The following CDKN2B-AS1 variants were observed in gnomAD, a reference collection of about 807,000 sequenced individuals.
CDKN2B-AS1 encodes the protein CDKN2B antisense RNA 1 (non-protein coding).
At chr9:22,079,000 T>A (rs1335909819) in intron 4 of CDKN2B-AS1, among the ~76,000 whole-genome samples, 1 of 152,234 alleles carries the variant, frequency 6.6e-6, no homozygotes. Flanking sequence ...TATGGAAGCC[T>A]TATCAGAGAG....
intron 4 of CDKN2B-AS1, chr9:22,119,758 G>C (rs1313838751): frequency 6.6e-6 from 1 of 152,220 alleles, no homozygotes; most frequent in Non-Finnish European, 1.5e-5. Flanking sequence ...AGGGTTGAAA[G>C]CTGTCGCCAT....
At chr9:22,018,876 C>T (rs992022450) in intron 1 of CDKN2B-AS1, among the ~76,000 whole-genome samples, 1 of 152,122 alleles carries the variant, frequency 6.6e-6, no homozygotes, top group Admixed American at 6.5e-5. Context: ...AGGTGATAAA[C>T]AATTCAGAGA....
At chr9:22,091,866 A>C (rs577498714) in intron 4 of CDKN2B-AS1, among the ~76,000 whole-genome samples, 1 of 152,208 alleles carries the variant, frequency 6.6e-6, no homozygotes, top group Admixed American at 6.5e-5. Flanking sequence ...TATGTTGAAT[A>C]GGAGTGGTGA....
At chr9:22,067,091 C>T (rs1824074785) in intron 4 of CDKN2B-AS1, among the ~76,000 whole-genome samples, 1 of 152,078 alleles carries the variant, frequency 6.6e-6, no homozygotes, top group South Asian at 2.1e-4. Context: ...GGAGGGATAG[C>T]ATTAGGAGAA....
In CDKN2B-AS1 at chr9:22,005,451, T is replaced by C. The variant is rs1821127033; in HGVS notation, n.29+10290T>C. ...AACTAAAGCGCCGCCGGGGACTTAC[T>C]GAAGCCCACCTCGGCCCTCCTCCAC... On this transcript the variant is annotated intron_variant and non_coding_transcript_variant, in intron 1 of 4. Transcript: ENST00000650946. The surrounding 1 kb of genome is among the most constrained non-coding windows in gnomAD (Gnocchi z 4.9). 8.0e-6 allele frequency: 2 copies of C among 251,498 alleles called. No homozygotes were observed. Among genetic ancestry groups the C allele is most frequent in the East Asian group, 5.7e-5 (1 of 17,532 alleles). The allele number at this position is 251,498 out of a possible 1,614,324, so 15.6% of individuals were successfully genotyped here.
At chr9:22,089,573 GGCACAT>G (rs1048511262) in intron 4 of CDKN2B-AS1, among the ~76,000 whole-genome samples, 1 of 151,990 alleles carries the variant, frequency 6.6e-6, no homozygotes, top group Non-Finnish European at 1.5e-5. Flanking sequence ...TGGGACTATA[GGCACAT>G]GCCACCATGC....
At chr9:22,078,100 ATGTGTTTTGTT>A (rs1416813811) in intron 4 of CDKN2B-AS1, among the ~76,000 whole-genome samples, 1 of 152,070 alleles carries the variant, frequency 6.6e-6, no homozygotes, top group African/African-American at 2.4e-5. Context: ...TTTCTATTGA[ATGTGTTTTGTT>A]TGTGTCTATA....
intron 4 of CDKN2B-AS1, among the ~76,000 whole-genome samples, chr9:22,073,322 A>T (rs112602185): frequency 1.4e-4 from 22 of 152,198 alleles, no homozygotes; most frequent in Non-Finnish European, 2.8e-4. Flanking sequence ...CAAAAAGATT[A>T]TCTGAGCATG....
chr9:22,025,666 G>A (rs1333965903), intron 1 of CDKN2B-AS1, among the ~76,000 whole-genome samples: 11 of 152,268 alleles, frequency 7.2e-5, no homozygotes, highest in East Asian at 1.9e-4. Context: ...TGAAAGCTGC[G>A]AAACAGCAAA....
In CDKN2B-AS1 at chr9:22,039,314, CT is replaced by C. The variant is rs1822812052; in HGVS notation, n.30-7436del. ...CATGTTCTCTCCCTGCAAGGACCACCTCAAATCCCTCAGTAGTCCTGTCTTT... is the reference window on the plus strand; with the variant it reads ...CATGTTCTCTCCCTGCAAGGACCACCCAAATCCCTCAGTAGTCCTGTCTTT... On this transcript the variant is annotated intron_variant and non_coding_transcript_variant, in intron 1 of 4. Transcript: ENST00000650946. The surrounding 1 kb of genome is among the most constrained non-coding windows in gnomAD (Gnocchi z 4.4). 6.6e-6 allele frequency among the ~76,000 whole-genome samples: 1 copy of C among 151,962 alleles called. No homozygotes were observed. Among genetic ancestry groups the C allele is most frequent in the African/African-American group, 2.4e-5 (1 of 41,390 alleles).
rs940517892 is a variant in CDKN2B-AS1, at chr9:22,000,435, C to A, written n.29+5274C>A. The stretch of plus-strand genomic sequence containing the variant: ...GTCTTACTGTGATAAGTCTAACTAT[C>A]AAAGGCAGTCCAGAGATTAGCAAAT... On this transcript the variant is annotated intron_variant and non_coding_transcript_variant, in intron 1 of 4. Transcript: ENST00000650946. The surrounding 1 kb of genome is among the most constrained non-coding windows in gnomAD (Gnocchi z 4.1). Among the ~76,000 whole-genome samples the A allele has an allele frequency of 2.6e-5, 4 of 152,142 alleles. No homozygotes were observed. The highest frequency in any genetic ancestry group is 5.9e-5 in the Non-Finnish European group (4 of 68,004).
chr9:22,090,058 A>G (rs578025642), intron 4 of CDKN2B-AS1, among the ~76,000 whole-genome samples: 55 of 139,104 alleles, frequency 4.0e-4, no homozygotes, highest in African/African-American at 1.3e-3. Flanking sequence ...ATTCCCACCT[A>G]TGAGTGAGAA....
chr9:22,023,448 T>G (rs934770501), intron 1 of CDKN2B-AS1, among the ~76,000 whole-genome samples: 1 of 152,070 alleles, frequency 6.6e-6, no homozygotes, highest in African/African-American at 2.4e-5. Context: ...TATGAAATTT[T>G]GGGGGTTGGG....
intron 1 of CDKN2B-AS1, among the ~76,000 whole-genome samples, chr9:22,035,907 G>A (rs970350096): frequency 6.6e-6 from 1 of 152,102 alleles, no homozygotes; most frequent in African/African-American, 2.4e-5. Flanking sequence ...AAGGAGAATT[G>A]CATCAATCAC....
At chr9:22,111,471 G>C (rs1371060170) in intron 4 of CDKN2B-AS1, among the ~76,000 whole-genome samples, 1 of 152,160 alleles carries the variant, frequency 6.6e-6, no homozygotes, top group African/African-American at 2.4e-5. Flanking sequence ...GATTCTATTT[G>C]TGAAGTATTA....
chr9:22,029,478 GT>G (rs1822376400), intron 1 of CDKN2B-AS1: 1 of 779,480 alleles, frequency 1.3e-6, no homozygotes, highest in Non-Finnish European at 2.4e-6. Context: ...GAGAATATTG[GT>G]GTCCATGCTG....
chr9:22,106,684 G>A (rs898471695), intron 4 of CDKN2B-AS1, among the ~76,000 whole-genome samples: 1 of 152,206 alleles, frequency 6.6e-6, no homozygotes, highest in African/African-American at 2.4e-5. Context: ...TGATGAACCA[G>A]TAGTGAGGTA....
chr9:22,014,523 T>C (rs1409459477), intron 1 of CDKN2B-AS1, among the ~76,000 whole-genome samples: 1 of 152,154 alleles, frequency 6.6e-6, no homozygotes, highest in Non-Finnish European at 1.5e-5. Flanking sequence ...TTCAGGTATA[T>C]GTAAGAAAGA....
chr9:22,079,171 G>A (rs1276890004), intron 4 of CDKN2B-AS1, among the ~76,000 whole-genome samples: 1 of 152,124 alleles, frequency 6.6e-6, no homozygotes. Context: ...GATTTCATTG[G>A]AGGCTGGAAA....
Sources: gnomAD v4.1 joint callset for allele counts (sites outside exome capture counted in the v4.1 genomes callset) on GRCh38, gnomAD v4.1.1 for gene constraint, Gnocchi (gnomAD v3.1) non-coding constraint, MANE v1.5 for transcripts, NCBI Gene and HGNC (gene_info 2026-07-23, HGNC 2026-07-21) for gene names.